Variants in CELF4 observed in about 807,000 individuals in gnomAD.
CELF4 encodes the protein CUG-BP- and ETR-3-like factor 4.
CELF4 carries 18 observed loss-of-function variants against 59.9 expected under a neutral mutation model. That is an observed-to-expected ratio of 0.30 (90% CI 0.21 to 0.45). CELF4 has a LOEUF of 0.45. Ranked by LOEUF, CELF4 falls within the 20% of genes least tolerant of loss-of-function variation. The pLI, the probability that CELF4 is intolerant of heterozygous loss-of-function variation, is 1.00. For missense variants in CELF4, 456 were observed against 689.0 expected, an observed-to-expected ratio of 0.66 and a Z score of 3.79; for synonymous variants, 261 against 267.1, an observed-to-expected ratio of 0.98 and a Z score of 0.22.
intron 3 of CELF4, among the ~76,000 whole-genome samples, chr18:37,281,112 C>A (rs2094087970): frequency 6.6e-6 from 1 of 152,218 alleles, no homozygotes; most frequent in Non-Finnish European, 1.5e-5. Flanking sequence ...GCCCAGGGCA[C>A]CCTCAGTGGA....
chr18:37,243,991 G>A lies in CELF4; in HGVS notation c.*1251C>T, dbSNP rs1443682653. ...CCTCCACCGGCGTCGGCAGCCAGGC[G>A]CCCGCAGGTGTGGGGCGAGTTCGGC... is the stretch of plus-strand genomic sequence containing the variant. On this transcript the variant is annotated 3_prime_UTR_variant, in exon 13 of 13. Transcript: ENST00000420428. The A allele has an allele frequency of 1.2e-5, 2 of 166,610 alleles. No individual in the cohort carries two copies. The highest frequency in any genetic ancestry group is 2.6e-5 in the Non-Finnish European group (2 of 76,584). 10.3% of individuals were successfully genotyped at this position (166,610 alleles called of 1,614,324 possible).
chr18:37,474,634 TG>T (rs1341199349), intron 2 of CELF4, among the ~76,000 whole-genome samples: 1 of 152,248 alleles, frequency 6.6e-6, no homozygotes, highest in South Asian at 2.1e-4. Context: ...GGTTAAGACC[TG>T]GGTGATGCTG....
intron 2 of CELF4, among the ~76,000 whole-genome samples, chr18:37,387,312 C>T (rs766845303): frequency 6.6e-5 from 10 of 152,220 alleles, no homozygotes; most frequent in Non-Finnish European, 1.2e-4. Flanking sequence ...GCTCCCTCCC[C>T]AAACCAGCAG....
chr18:37,546,485 G>T (rs1332623470), intron 1 of CELF4, among the ~76,000 whole-genome samples: 4 of 152,228 alleles, frequency 2.6e-5, no homozygotes, highest in African/African-American at 9.6e-5. Context: ...CATTCAGGCT[G>T]TGGACAGACG....
At chr18:37,266,006 C>T (rs1024138599) in intron 9 of CELF4, among the ~76,000 whole-genome samples, 1 of 152,172 alleles carries the variant, frequency 6.6e-6, no homozygotes, top group Non-Finnish European at 1.5e-5. Flanking sequence ...CCCTTCCCAC[C>T]TCTCCTCCTC....
At chr18:37,472,316 G>A (rs1327942595) in intron 2 of CELF4, among the ~76,000 whole-genome samples, 1 of 152,238 alleles carries the variant, frequency 6.6e-6, no homozygotes, top group East Asian at 1.9e-4. Flanking sequence ...GCCCCTCCCT[G>A]CGGCCAGCCC....
At chr18:37,296,558 C>T (rs545483777) in intron 3 of CELF4, among the ~76,000 whole-genome samples, 2 of 152,100 alleles carry the variant, frequency 1.3e-5, no homozygotes, top group South Asian at 2.1e-4. Flanking sequence ...CCCTCAGGAC[C>T]CTCATTGGTT....
chr18:37,482,469 T>A (rs1001274959), intron 2 of CELF4, among the ~76,000 whole-genome samples: 4 of 152,140 alleles, frequency 2.6e-5, no homozygotes, highest in Non-Finnish European at 5.9e-5. Flanking sequence ...TACTAAAACA[T>A]GCCAAACTCA....
chr18:37,358,862 G>A (rs912913337), intron 2 of CELF4, among the ~76,000 whole-genome samples: 9 of 152,312 alleles, frequency 5.9e-5, no homozygotes, highest in Admixed American at 3.3e-4. Context: ...CTAGCACTTC[G>A]GGAAGCTGAG....
chr18:37,467,430 G>T (rs937565302), intron 2 of CELF4, among the ~76,000 whole-genome samples: 1 of 152,108 alleles, frequency 6.6e-6, no homozygotes, highest in South Asian at 2.1e-4. Flanking sequence ...TTTGGACACC[G>T]CCAGAAGAAG....
chr18:37,281,406 G>A (rs1299011680), intron 3 of CELF4, among the ~76,000 whole-genome samples: 1 of 152,208 alleles, frequency 6.6e-6, no homozygotes, highest in Non-Finnish European at 1.5e-5. Flanking sequence ...GGGCACTGTG[G>A]GCGAGTGTTC....
chr18:37,546,262 C>T (rs1275733871), intron 1 of CELF4, among the ~76,000 whole-genome samples: 2 of 152,306 alleles, frequency 1.3e-5, no homozygotes, highest in South Asian at 2.1e-4. Context: ...TGAGCATACA[C>T]GTCCGCACAT....
chr18:37,289,334 G>A (rs2095129513), intron 3 of CELF4, among the ~76,000 whole-genome samples: 2 of 127,516 alleles, frequency 1.6e-5, no homozygotes, highest in Admixed American at 8.0e-5. Flanking sequence ...GGGGATGGGA[G>A]CTCAGAGGAC....
intron 2 of CELF4, among the ~76,000 whole-genome samples, chr18:37,371,478 C>T (rs2098877674): frequency 6.6e-6 from 1 of 152,242 alleles, no homozygotes; most frequent in South Asian, 2.1e-4. Flanking sequence ...AGCGCCTTCT[C>T]TGCAGGAATG....
At chr18:37,564,151 T>C (rs2154606405) in intron 1 of CELF4, among the ~76,000 whole-genome samples, 1 of 152,242 alleles carries the variant, frequency 6.6e-6, no homozygotes, top group Non-Finnish European at 1.5e-5. Flanking sequence ...AAACGGAACA[T>C]CCATACACAT....
intron 2 of CELF4, among the ~76,000 whole-genome samples, chr18:37,420,625 G>T (rs891856779): frequency 6.6e-6 from 1 of 152,186 alleles, no homozygotes; most frequent in African/African-American, 2.4e-5. Flanking sequence ...GCAGGTGCTT[G>T]CAGGATAGCC....
chr18:37,348,628 T>C (rs1026841490), intron 2 of CELF4, among the ~76,000 whole-genome samples: 3 of 152,008 alleles, frequency 2.0e-5, no homozygotes, highest in Non-Finnish European at 2.9e-5. Context: ...GGTGGGGGGA[T>C]GGGAGCAAAA....
intron 1 of CELF4, among the ~76,000 whole-genome samples, chr18:37,538,497 T>G (rs903136151): frequency 2.0e-5 from 3 of 152,218 alleles, no homozygotes; most frequent in African/African-American, 4.8e-5. Flanking sequence ...CCTCCCTTTT[T>G]GCTTTTCTGA....
chr18:37,463,627 G>A (rs1440888010), intron 2 of CELF4, among the ~76,000 whole-genome samples: 1 of 152,162 alleles, frequency 6.6e-6, no homozygotes, highest in Non-Finnish European at 1.5e-5. Context: ...TACGATGCCA[G>A]CCCTCCAGGA....
Sources: gnomAD v4.1 joint callset for allele counts (sites outside exome capture counted in the v4.1 genomes callset) on GRCh38, gnomAD v4.1.1 for gene constraint, MANE v1.5 for transcripts, NCBI Gene and HGNC (gene_info 2026-07-23, HGNC 2026-07-21) for gene names.